ADAMTSL1: variants seen among roughly 807,000 people sequenced by gnomAD.
ADAMTSL1 encodes ADAMTS-like protein 1.
A neutral mutation model predicts 201.8 loss-of-function variants in ADAMTSL1; 126 were observed. The ratio of observed to expected loss-of-function variants is 0.62; its 90% confidence interval spans 0.54 to 0.72. The LOEUF is 0.72. ADAMTSL1 is among the 30% of genes least tolerant of loss of function. The probability of loss-of-function intolerance (pLI) is 0.00; values close to 1 mark genes in which losing one functional copy is unlikely to be tolerated. For missense variants in ADAMTSL1, 2,679 were observed against 2,277.8 expected, an observed-to-expected ratio of 1.18 and a Z score of -3.59; for synonymous variants, 1,121 against 903.4, an observed-to-expected ratio of 1.24 and a Z score of -4.32.
At chr9:17,973,821 G>A (rs1199440378) in intron 1 of ADAMTSL1, among the ~76,000 whole-genome samples, 1 of 150,118 alleles carries the variant, frequency 6.7e-6, no homozygotes, top group Non-Finnish European at 1.5e-5. Flanking sequence ...TCCATTTGTT[G>A]GTGTCCTCTT....
At chr9:18,427,047 A>G (rs879379802) in intron 2 of ADAMTSL1, among the ~76,000 whole-genome samples, 1 of 152,202 alleles carries the variant, frequency 6.6e-6, no homozygotes, top group Non-Finnish European at 1.5e-5. Flanking sequence ...GACAGACTTT[A>G]AGCAGAATGG....
rs753011119 is a variant in ADAMTSL1, at chr9:18,026,065, C to T, written c.87+119143C>T. 1.2e-3 allele frequency among the ~76,000 whole-genome samples: 181 copies of T among 151,154 alleles called. 1 individual carries two copies. The highest frequency in any genetic ancestry group is 2.2e-3 in the Non-Finnish European group (151 of 67,438). On this transcript the variant is annotated intron_variant, in intron 1 of 29. Transcript: ENST00000680146. ...TTCAGCTTGAATGTCACTGGTGTAT[C>T]CTGAAACTTTACTGAAGTCATTATT...
chr9:18,771,705 CTTTTTTTTTTTT>C (rs374268861), intron 17 of ADAMTSL1, among the ~76,000 whole-genome samples: 5 of 91,756 alleles, frequency 5.4e-5, no homozygotes, highest in African/African-American at 8.5e-5. Flanking sequence ...ACCCCAGTGC[CTTTTTTTTTTTT>C]TTTTTTTTTT....
In ADAMTSL1 at chr9:17,968,006, C is replaced by T. The variant is rs981153022; in HGVS notation, c.87+61084C>T. Among the ~76,000 whole-genome samples, 18 of 152,096 alleles carry T rather than the reference C, an allele frequency of 1.2e-4. 1 individual carries two copies. The South Asian group carries it at 1.7e-3, about 14-fold the overall frequency. ...TTCTCTGTTATACAACCAGAGAGCA[C>T]GTTGCTATGCACAGCTGTTACTCCA... On this transcript the variant is annotated intron_variant, in intron 1 of 29. Coordinates refer to the ADAMTSL1 transcript ENST00000680146.
Position 18,721,654 on chromosome 9 carries a change from C to T in ADAMTSL1, c.1995C>T (p.Pro665=). 6.2e-7 allele frequency: 1 copy of T among 1,613,896 alleles called. No homozygotes were observed. The highest frequency in any genetic ancestry group is 8.5e-7 in the Non-Finnish European group (1 of 1,179,820). ...PQLLKSCNLD[P]CPARWEIGKW... is the part of the protein sequence containing the mutation. ...TCCTGAAGTCCTGCAATTTGGATCC[C>T]TGCCCAGCAAGGTAAGGGATGTGTG... Residue 665 remains proline (P), a synonymous_variant, in exon 15 of 29, where the codon CCC becomes CCT. Transcript: ENST00000380548.
At chr9:18,458,594 C>A (rs968417300) in intron 2 of ADAMTSL1, among the ~76,000 whole-genome samples, 1 of 152,152 alleles carries the variant, frequency 6.6e-6, no homozygotes, top group African/African-American at 2.4e-5. Flanking sequence ...GATAGGTTCT[C>A]ATTAGCTTAT....
chr9:18,538,600 A>C (rs1371006811), intron 3 of ADAMTSL1, among the ~76,000 whole-genome samples: 1 of 152,166 alleles, frequency 6.6e-6, no homozygotes, highest in Non-Finnish European at 1.5e-5. Context: ...GGGATAAAGT[A>C]GAGTCAGAGC....
chr9:18,011,251 A>C (rs1455883608), intron 1 of ADAMTSL1, among the ~76,000 whole-genome samples: 2 of 152,060 alleles, frequency 1.3e-5, no homozygotes, highest in Non-Finnish European at 2.9e-5. Flanking sequence ...AATGTTTATG[A>C]AAAATACTAC....
intron 2 of ADAMTSL1, among the ~76,000 whole-genome samples, chr9:18,288,702 G>A (rs1368047481): frequency 6.6e-6 from 1 of 152,210 alleles, no homozygotes; most frequent in African/African-American, 2.4e-5. Context: ...AGGCAGCAGA[G>A]GCTAAAGAAG....
At chr9:18,519,679 A>G (rs1054994444) in intron 2 of ADAMTSL1, among the ~76,000 whole-genome samples, 18 of 152,238 alleles carry the variant, frequency 1.2e-4, no homozygotes, top group Non-Finnish European at 1.6e-4. Context: ...TATAGACTGG[A>G]TACCCAATGA....
At chr9:18,018,596 G>A (rs576650008) in intron 1 of ADAMTSL1, among the ~76,000 whole-genome samples, 21 of 151,984 alleles carry the variant, frequency 1.4e-4, no homozygotes, top group Non-Finnish European at 2.2e-4. Context: ...AGAGATGCCC[G>A]TGTATTAAGA....
At chr9:17,939,174 C>G (rs1339575024) in intron 1 of ADAMTSL1, among the ~76,000 whole-genome samples, 2 of 152,134 alleles carry the variant, frequency 1.3e-5, no homozygotes, top group Non-Finnish European at 2.9e-5. Flanking sequence ...AGAAAATTCT[C>G]TTTATCTCCA....
At chr9:18,817,965 G>A (rs1823967242) in intron 21 of ADAMTSL1, among the ~76,000 whole-genome samples, 1 of 152,194 alleles carries the variant, frequency 6.6e-6, no homozygotes, top group Admixed American at 6.5e-5. Flanking sequence ...CAAACTCAGA[G>A]GTCAACAGGG....
intron 2 of ADAMTSL1, among the ~76,000 whole-genome samples, chr9:18,181,508 T>C (rs1828476179): frequency 6.6e-6 from 1 of 151,614 alleles, no homozygotes; most frequent in South Asian, 2.1e-4. Flanking sequence ...AAAGAAGACA[T>C]TTATGCAGCC....
chr9:18,000,073 A>C (rs1047688263), intron 1 of ADAMTSL1, among the ~76,000 whole-genome samples: 1 of 149,974 alleles, frequency 6.7e-6, no homozygotes, highest in African/African-American at 2.5e-5. Context: ...ATACGTGTGC[A>C]TGTGTCTTTA....
chr9:18,000,491 G>T (rs2131529242), intron 1 of ADAMTSL1, among the ~76,000 whole-genome samples: 1 of 152,040 alleles, frequency 6.6e-6, no homozygotes, highest in African/African-American at 2.4e-5. Flanking sequence ...TCTCCTCTGA[G>T]CCCAGTTTCT....
intron 1 of ADAMTSL1, among the ~76,000 whole-genome samples, chr9:18,041,663 G>A (rs1406051759): frequency 6.6e-6 from 1 of 152,108 alleles, no homozygotes; most frequent in Non-Finnish European, 1.5e-5. Flanking sequence ...TGTGGTGTGT[G>A]TATATTTAAT....
intron 5 of ADAMTSL1, among the ~76,000 whole-genome samples, chr9:18,625,075 G>A (rs1462161380): frequency 6.6e-6 from 1 of 152,152 alleles, no homozygotes; most frequent in Non-Finnish European, 1.5e-5. Context: ...GCGACCCACT[G>A]GCAGGGAACA....
Position 18,680,297 on chromosome 9 carries a change from C to A in ADAMTSL1, c.1137-15C>A. On this transcript the variant is annotated splice_polypyrimidine_tract_variant and intron_variant, in intron 10 of 28. Coordinates refer to ENST00000380548, the MANE Select transcript of ADAMTSL1 (RefSeq NM_001040272.6). ...ATGTGCATGTCTGCCCTGATGACTC[C>A]CCTTGCTTCTGTAGGTGGGAGGCCA... is the stretch of plus-strand genomic sequence containing the variant. 1 of 1,613,034 alleles carries A rather than the reference C, an allele frequency of 6.2e-7. No homozygotes were observed. Among genetic ancestry groups the A allele is most frequent in the Non-Finnish European group, 8.5e-7 (1 of 1,179,562 alleles).
Sources: gnomAD v4.1 joint callset for allele counts (sites outside exome capture counted in the v4.1 genomes callset) on GRCh38, gnomAD v4.1.1 for gene constraint, MANE v1.5 for transcripts, NCBI Gene and HGNC (gene_info 2026-07-23, HGNC 2026-07-21) for gene names.